POLK: variants seen among roughly 807,000 people sequenced by gnomAD.
POLK encodes the protein DNA polymerase kappa.
A neutral mutation model predicts 94.0 loss-of-function variants in POLK; 76 were observed. That is an observed-to-expected ratio of 0.81 (90% CI 0.67 to 0.98). The LOEUF (loss-of-function observed/expected upper bound fraction) is 0.98. POLK is among the 50% of genes least tolerant of loss of function. The pLI, the probability that POLK is intolerant of heterozygous loss-of-function variation, is 0.00. For missense variants in POLK, 954 were observed against 1,010.1 expected (o/e 0.94, Z 0.75); for synonymous variants, 349 against 325.4 (o/e 1.07, Z -0.78).
intron 12 of POLK, among the ~76,000 whole-genome samples, chr5:75,595,248 G>GA (rs58783164): frequency 0.035 from 881 of 24,828 alleles, 61 homozygotes; most frequent in Admixed American, 0.1. Context: ...CTCCACCTCA[G>GA]AAAAAAAAAA....
At chr5:75,513,722 G>C (rs1768184384) in intron 1 of POLK, among the ~76,000 whole-genome samples, 1 of 152,040 alleles carries the variant, frequency 6.6e-6, no homozygotes, top group African/African-American at 2.4e-5. Flanking sequence ...TATTTCATAG[G>C]CTTCACTATA....
chr5:75,595,270 A>AAAAAAAAAAC, intron 12 of POLK, among the ~76,000 whole-genome samples: 1 of 149,132 alleles, frequency 6.7e-6, no homozygotes, highest in Non-Finnish European at 1.5e-5. Context: ...AAAAAAAAAA[A>AAAAAAAAAAC]AAAGCCCAAG....
intron 1 of POLK, among the ~76,000 whole-genome samples, chr5:75,542,051 A>G (rs1209274130): frequency 6.6e-6 from 1 of 152,232 alleles, no homozygotes; most frequent in African/African-American, 2.4e-5. Context: ...AATTCAATTC[A>G]TTGTATTTAA....
At chr5:75,591,211 T>C (rs548897427) in intron 11 of POLK, among the ~76,000 whole-genome samples, 5 of 152,242 alleles carry the variant, frequency 3.3e-5, no homozygotes, top group Admixed American at 2.0e-4. Context: ...GTGATAGATA[T>C]CCGAAGTACA....
chr5:75,592,184 G>A (rs1772825331), intron 11 of POLK, among the ~76,000 whole-genome samples: 1 of 152,124 alleles, frequency 6.6e-6, no homozygotes, highest in African/African-American at 2.4e-5. Flanking sequence ...CTGAAACCCT[G>A]CACTCATAAA....
At chr5:75,542,944 C>T (rs898008093) in intron 1 of POLK, among the ~76,000 whole-genome samples, 3 of 151,024 alleles carry the variant, frequency 2.0e-5, no homozygotes, top group Admixed American at 6.6e-5. Context: ...AACCCCTGAC[C>T]TCGTGATCCA....
intron 8 of POLK, among the ~76,000 whole-genome samples, chr5:75,583,684 A>G (rs528305975): frequency 1.3e-5 from 2 of 152,296 alleles, no homozygotes; most frequent in South Asian, 4.1e-4. Context: ...AATTAAAAGA[A>G]TATTTCTAAC....
At chr5:75,576,202 C>T (rs1771866255) in intron 5 of POLK, among the ~76,000 whole-genome samples, 1 of 151,972 alleles carries the variant, frequency 6.6e-6, no homozygotes. Flanking sequence ...TTTTTCCATT[C>T]CAGATCTTAA....
chr5:75,593,798 GT>G, intron 11 of POLK, 79 bp from the exon 12 acceptor site: 1 of 786,150 alleles, frequency 1.3e-6, no homozygotes, highest in Non-Finnish European at 2.0e-6. Flanking sequence ...AGCTACAGCT[GT>G]GCCAGCGCAC....
intron 5 of POLK, among the ~76,000 whole-genome samples, chr5:75,575,860 C>T (rs1771844881): frequency 6.7e-6 from 1 of 148,462 alleles, no homozygotes; most frequent in Non-Finnish European, 1.5e-5. Context: ...ATACAGTAGA[C>T]AGTTTTAAAA....
chr5:75,571,569 C>G (rs1771602385), intron 4 of POLK, among the ~76,000 whole-genome samples: 2 of 152,208 alleles, frequency 1.3e-5, no homozygotes, highest in African/African-American at 4.8e-5. Context: ...AGGTCTGGCA[C>G]TTCGACTGAG....
At chr5:75,520,092 G>A (rs60543005) in intron 1 of POLK, among the ~76,000 whole-genome samples, 2,522 of 152,126 alleles carry the variant, frequency 0.017, 74 homozygotes, top group African/African-American at 0.057. Flanking sequence ...TTAGAGCTAT[G>A]ACAAGTTATT....
chr5:75,527,540 C>CAA (rs1768928672), intron 1 of POLK, among the ~76,000 whole-genome samples: 1 of 145,038 alleles, frequency 6.9e-6, no homozygotes, highest in Non-Finnish European at 1.5e-5. Context: ...CACACACACA[C>CAA]AAGTACGTGT....
At position 75,573,834 on chromosome 5, in the gene POLK, C is replaced by A. The variant is rs148385845; in HGVS notation, c.505C>A (p.Pro169Thr). Residue 169 changes from proline (P) to threonine (T), a missense_variant, in exon 5 of 15, where the codon CCC (proline) becomes ACC (threonine). Transcript: ENST00000241436. The stretch of plus-strand genomic sequence containing the variant: ...GTGCCCACAACTTATAATAGTGCCC[C>A]CCAACTTTGACAAATACCGAGCTGT... 2.3e-4 allele frequency: 374 copies of A among 1,613,470 alleles called. 2 individuals carry two copies. The highest frequency in any genetic ancestry group is 6.2e-4 in the East Asian group (28 of 44,854).
chr5:75,609,244 A>T, the POLK span: 2 of 151,866 alleles, frequency 1.3e-5, no homozygotes, highest in African/African-American at 2.4e-5. Context: ...TTTTTTTAAA[A>T]TTATTTTTTA....
chr5:75,604,853 T>C (rs1435686210), downstream of POLK, among the ~76,000 whole-genome samples: 2 of 152,216 alleles, frequency 1.3e-5, no homozygotes, highest in African/African-American at 2.4e-5. Flanking sequence ...TGCTTTGTAA[T>C]ACATAACTGA....
At chr5:75,525,674 C>T (rs1307077034) in intron 1 of POLK, among the ~76,000 whole-genome samples, 1 of 152,104 alleles carries the variant, frequency 6.6e-6, no homozygotes, top group African/African-American at 2.4e-5. Flanking sequence ...CATAGAGGAA[C>T]AACAATTTGA....
chr5:75,597,932 A>C lies in POLK; in HGVS notation c.2529-2A>C. The C allele has an allele frequency of 7.0e-7, 1 of 1,434,206 alleles. No homozygotes were observed. The highest frequency in any genetic ancestry group is 9.4e-7 in the Non-Finnish European group (1 of 1,064,548). The allele number at this position is 1,434,206 out of a possible 1,614,324, so 88.8% of individuals were successfully genotyped here. On this transcript the variant is annotated splice_acceptor_variant, in intron 14 of 14. Coordinates refer to ENST00000241436, the Ensembl canonical transcript of POLK. LOFTEE classifies it high-confidence loss of function. ...TTAATTGTGTGTTCCTTTTCATTCT[A>C]GGCCAGGATTGATGACAAAGTACTC...
chr5:75,591,684 C>T (rs1772794128), intron 11 of POLK, among the ~76,000 whole-genome samples: 1 of 152,218 alleles, frequency 6.6e-6, no homozygotes, highest in African/African-American at 2.4e-5. Flanking sequence ...TGTCATGTCT[C>T]TCCAGTTTCC....
Sources: allele counts gnomAD v4.1 joint callset (sites outside exome capture counted in the v4.1 genomes callset), GRCh38; gene constraint gnomAD v4.1.1; transcripts MANE v1.5; gene names NCBI Gene and HGNC (gene_info 2026-07-23, HGNC 2026-07-21).